Variants in TSPAN8 observed in about 807,000 individuals in gnomAD.
TSPAN8 encodes the protein tetraspanin-8.
A neutral mutation model predicts 32.8 loss-of-function variants in TSPAN8; 21 were observed. That is an observed-to-expected ratio of 0.64 (90% confidence interval 0.45 to 0.92). TSPAN8 has a LOEUF of 0.92. Ranked by LOEUF, TSPAN8 falls within the 40% of genes least tolerant of loss-of-function variation. The pLI, the probability that TSPAN8 is intolerant of heterozygous loss-of-function variation, is 0.00. For synonymous variants in TSPAN8, 95 were observed against 94.6 expected (o/e 1.00, Z -0.03); for missense variants, 269 against 281.9 (o/e 0.95, Z 0.33).
intron 7 of TSPAN8, 55 bp downstream of exon 7, chr12:71,132,638 T>G: frequency 6.3e-7 from 1 of 1,586,260 alleles, no homozygotes; most frequent in East Asian, 2.3e-5. Flanking sequence ...GGACTTTAAT[T>G]GTGAAAAGAA....
intron 2 of TSPAN8, among the ~76,000 whole-genome samples, chr12:71,146,919 A>G (rs1872095053): frequency 6.6e-6 from 1 of 152,128 alleles, no homozygotes; most frequent in Non-Finnish European, 1.5e-5. Context: ...GGTCATGAAG[A>G]TGGGGTTATA....
chr12:71,134,455 C>G (rs1033870733), intron 6 of TSPAN8, among the ~76,000 whole-genome samples: 1 of 152,140 alleles, frequency 6.6e-6, no homozygotes. Flanking sequence ...CTAACAAATT[C>G]AACTGAGGCA....
At chr12:71,150,127 A>C (rs1872204583) in intron 2 of TSPAN8, among the ~76,000 whole-genome samples, 1 of 152,162 alleles carries the variant, frequency 6.6e-6, no homozygotes, top group African/African-American at 2.4e-5. Context: ...CAGGCTTACT[A>C]GGATTGGGAA....
At chr12:71,134,121 C>T (rs1871606334) in intron 6 of TSPAN8, among the ~76,000 whole-genome samples, 1 of 152,162 alleles carries the variant, frequency 6.6e-6, no homozygotes, top group African/African-American at 2.4e-5. Flanking sequence ...CAGATAGTAA[C>T]AGTTGCTAAT....
chr12:71,131,113 C>T (rs915685361), intron 7 of TSPAN8, among the ~76,000 whole-genome samples: 3 of 152,134 alleles, frequency 2.0e-5, no homozygotes, highest in Non-Finnish European at 2.9e-5. Flanking sequence ...TAGCAATCTG[C>T]AATTGAATTT....
At chr12:71,133,259 G>T (rs55840551) in intron 6 of TSPAN8, among the ~76,000 whole-genome samples, 3,584 of 152,014 alleles carry the variant, frequency 0.024, 169 homozygotes, top group African/African-American at 0.082. Context: ...GCTAATTTTT[G>T]TATTTTTAGC....
intron 2 of TSPAN8, among the ~76,000 whole-genome samples, chr12:71,150,653 G>T (rs1274622185): frequency 6.6e-6 from 1 of 152,058 alleles, no homozygotes; most frequent in African/African-American, 2.4e-5. Context: ...CTATATTAAT[G>T]GTGTTTATTG....
intron 2 of TSPAN8, among the ~76,000 whole-genome samples, chr12:71,152,570 C>CAG (rs946087708): frequency 1.3e-4 from 20 of 152,266 alleles, no homozygotes; most frequent in African/African-American, 4.6e-4. Flanking sequence ...AAATAAAGCA[C>CAG]AGAGAGGTTA....
At chr12:71,135,581 T>C (rs1254434594) in intron 6 of TSPAN8, among the ~76,000 whole-genome samples, 2 of 151,978 alleles carry the variant, frequency 1.3e-5, no homozygotes, top group Non-Finnish European at 2.9e-5. Context: ...AGACTCATAA[T>C]GGAAATTTGA....
At chr12:71,135,435 G>A (rs937599920) in intron 6 of TSPAN8, among the ~76,000 whole-genome samples, 3 of 148,248 alleles carry the variant, frequency 2.0e-5, no homozygotes, top group Non-Finnish European at 4.5e-5. Flanking sequence ...AGAGGAGGAG[G>A]AAGAAAAAGA....
intron 7 of TSPAN8, among the ~76,000 whole-genome samples, chr12:71,130,161 C>T (rs3844206): frequency 0.32 from 48,337 of 151,790 alleles, 8,538 homozygotes; most frequent in Non-Finnish European, 0.41. Context: ...GCCATATTGC[C>T]CAGGCTTGTC....
intron 1 of TSPAN8, 43 bp downstream of exon 1, chr12:71,157,887 T>A: frequency 1.8e-6 from 1 of 544,472 alleles, no homozygotes; most frequent in African/African-American, 1.9e-5. Flanking sequence ...TCGCAAAGGC[T>A]ATTAACCCAC....
chr12:71,152,485 T>C (rs1311036443), intron 2 of TSPAN8, among the ~76,000 whole-genome samples: 4 of 152,196 alleles, frequency 2.6e-5, no homozygotes, highest in East Asian at 3.9e-4. Context: ...TCTTTATATA[T>C]ATTAACTTAT....
At chr12:71,140,049 A>T (rs1871852050) in intron 3 of TSPAN8, among the ~76,000 whole-genome samples, 1 of 152,212 alleles carries the variant, frequency 6.6e-6, no homozygotes, top group African/African-American at 2.4e-5. Flanking sequence ...TTCTAAAATG[A>T]TATGATGAAA....
chr12:71,147,311 C>T (rs1366839092), intron 2 of TSPAN8, among the ~76,000 whole-genome samples: 1 of 152,092 alleles, frequency 6.6e-6, no homozygotes, highest in Non-Finnish European at 1.5e-5. Context: ...CTACTTCTTC[C>T]CTCCAAATTG....
intron 2 of TSPAN8, among the ~76,000 whole-genome samples, chr12:71,146,557 A>C (rs1872084921): frequency 6.6e-6 from 1 of 152,196 alleles, no homozygotes; most frequent in Admixed American, 6.5e-5. Flanking sequence ...TTAAAAGTAT[A>C]AATTAATAAA....
At chr12:71,143,898 A>AT (rs1329672482) in intron 3 of TSPAN8, among the ~76,000 whole-genome samples, 1 of 152,020 alleles carries the variant, frequency 6.6e-6, no homozygotes, top group African/African-American at 2.4e-5. Context: ...ATCTCACTGA[A>AT]TTTTTTTGAA....
At chr12:71,128,926 C>T (rs1417942952) in intron 8 of TSPAN8, among the ~76,000 whole-genome samples, 2 of 152,196 alleles carry the variant, frequency 1.3e-5, no homozygotes, top group East Asian at 3.9e-4. Context: ...GTTTCAAAAT[C>T]AAGATGAGAA....
At chr12:71,133,097 T>G (rs1871572385) in intron 6 of TSPAN8, among the ~76,000 whole-genome samples, 1 of 152,074 alleles carries the variant, frequency 6.6e-6, no homozygotes, top group Admixed American at 6.5e-5. Flanking sequence ...TTATTTTTAT[T>G]TTTTTGAGAT....
Sources: gnomAD v4.1 joint callset for allele counts (sites outside exome capture counted in the v4.1 genomes callset) on GRCh38, gnomAD v4.1.1 for gene constraint, MANE v1.5 for transcripts, NCBI Gene and HGNC (gene_info 2026-07-23, HGNC 2026-07-21) for gene names.